The following COLEC12 variants were observed in gnomAD, a reference collection of about 807,000 sequenced individuals.
COLEC12 encodes the protein collectin subfamily member 12, also known as collectin-12.
COLEC12 carries 33 observed loss-of-function variants against 71.1 expected under a neutral mutation model. The ratio of observed to expected loss-of-function variants is 0.46; its 90% CI spans 0.35 to 0.62. The LOEUF (loss-of-function observed/expected upper bound fraction) is 0.62. Ranked by LOEUF, COLEC12 falls within the 20% of genes least tolerant of loss-of-function variation. COLEC12 has a pLI of 0.00. For synonymous variants in COLEC12, 350 were observed against 353.0 expected, an observed-to-expected ratio of 0.99 and a Z score of 0.10; for missense variants, 765 against 916.1, an observed-to-expected ratio of 0.84 and a Z score of 2.13.
At chr18:476,911 A>G (rs1472260071) in intron 2 of COLEC12, among the ~76,000 whole-genome samples, 2 of 152,220 alleles carry the variant, frequency 1.3e-5, no homozygotes, top group Admixed American at 1.3e-4. Context: ...GCCTGATTAA[A>G]GCTTGAAAAT....
At chr18:487,838 G>A (rs1917548547) in intron 1 of COLEC12, among the ~76,000 whole-genome samples, 1 of 152,146 alleles carries the variant, frequency 6.6e-6, no homozygotes, top group South Asian at 2.1e-4. Context: ...TTAGAGTGAT[G>A]GTCACAATTC....
intron 2 of COLEC12, among the ~76,000 whole-genome samples, chr18:382,249 G>A (rs1915248964): frequency 6.6e-6 from 1 of 152,146 alleles, no homozygotes; most frequent in Non-Finnish European, 1.5e-5. Flanking sequence ...CACCCTTCCT[G>A]TGTTAAGTTA....
At chr18:437,111 G>C (rs1378186977) in intron 2 of COLEC12, among the ~76,000 whole-genome samples, 2 of 152,248 alleles carry the variant, frequency 1.3e-5, no homozygotes, top group Non-Finnish European at 2.9e-5. Context: ...AAAATTACAG[G>C]GGACAGTAGG....
intron 2 of COLEC12, among the ~76,000 whole-genome samples, chr18:438,802 CAAA>C (rs55912485): frequency 3.8e-5 from 5 of 132,666 alleles, no homozygotes; most frequent in East Asian, 2.2e-4. Flanking sequence ...GACCTTGTCT[CAAA>C]AAAAAAAAAA....
chr18:442,082 G>GTGAGACTCTCTCTACACACAC (rs1916554019), intron 2 of COLEC12, among the ~76,000 whole-genome samples: 1 of 151,338 alleles, frequency 6.6e-6, no homozygotes, highest in African/African-American at 2.4e-5. Context: ...TGGGGACTGA[G>GTGAGACTCTCTCTACACACAC]AAGGTTATGG....
chr18:333,102 A>G lies in COLEC12; in HGVS notation c.1858T>C (p.Tyr620His), dbSNP rs778750998. ...AAAATTTCTTTCTCAACTGAAAAAT[A>G]GTAGCATTTGTCTGTGAAGTTCTTC... Reference protein sequence around the residue: ...HWKNFTDKCYYFSVEKEIFED... With the variant: ...HWKNFTDKCYHFSVEKEIFED... The change falls in exon 7 of 10, where the codon TAT becomes CAT. Residue 620 changes from tyrosine to histidine, a missense_variant. Coordinates refer to ENST00000400256, the MANE Select transcript of COLEC12 (RefSeq NM_130386.3). 4 of 1,611,408 alleles carry G rather than the reference A, an allele frequency of 2.5e-6. No individual in the cohort carries two copies. In the South Asian group the frequency reaches 4.4e-5, roughly 18 times the overall value.
chr18:334,656 G>A (rs1240641144), intron 6 of COLEC12, 86 bp downstream of exon 6: 23 of 1,206,724 alleles, frequency 1.9e-5, no homozygotes, highest in Non-Finnish European at 2.3e-5. Flanking sequence ...AAAATAACAT[G>A]GGTGGGGCCA....
rs1913711768 is a variant in COLEC12, at chr18:321,784, T to C, written c.2087A>G (p.Asp696Gly). ...DYKNWKAGQPDNWGHGHGPGE... is the reference protein window; with the variant it reads ...DYKNWKAGQPGNWGHGHGPGE... ...TGGCCCATGGCCATGACCCCAGTTA[T>C]CCGGCTGTCCAGCTTTCCAATTTCT... The change falls in exon 9 of 10, where the codon GAT becomes GGT. Residue 696 changes from aspartate (D) to glycine (G), a missense_variant. Asp to Gly is a moderately conservative substitution (Grantham distance 94). Transcript: ENST00000400256. The C allele has an allele frequency of 6.2e-7, 1 of 1,613,984 alleles. No homozygotes were observed. Among genetic ancestry groups the C allele is most frequent in the Non-Finnish European group, 8.5e-7 (1 of 1,179,996 alleles).
rs978002798 is a variant in COLEC12 at position 325,639 on chromosome 18, T to C, written c.2064-3832A>G. Among the ~76,000 whole-genome samples the C allele has an allele frequency of 6.8e-4, 94 of 137,634 alleles. 1 individual carries two copies. The highest frequency in any genetic ancestry group is 2.4e-3 in the African/African-American group (89 of 36,774). The allele number at this position is 137,634 out of a possible 152,430, so 90.3% of individuals were successfully genotyped here. ...TAAAAGGATCAGCCTTTTTTTTTTT[T>C]TTTTTTTTTTTTTTTTTGAGACAGA... On this transcript the variant is annotated intron_variant, in intron 8 of 9. Transcript: ENST00000400256.
chr18:487,775 C>T (rs1917547299), intron 1 of COLEC12, among the ~76,000 whole-genome samples: 1 of 152,182 alleles, frequency 6.6e-6, no homozygotes, highest in Admixed American at 6.5e-5. Flanking sequence ...AAAAAATAAA[C>T]TAATGGTTCT....
chr18:476,379 A>T (rs1170226824), intron 2 of COLEC12, among the ~76,000 whole-genome samples: 1 of 152,222 alleles, frequency 6.6e-6, no homozygotes, highest in Non-Finnish European at 1.5e-5. Context: ...TTGTTTGTCA[A>T]ATACAAACAA....
chr18:478,744 G>A (rs1234825782), intron 2 of COLEC12, among the ~76,000 whole-genome samples: 5 of 152,192 alleles, frequency 3.3e-5, no homozygotes, highest in African/African-American at 4.8e-5. Context: ...TCAGCATCAG[G>A]AATGTCTCTT....
chr18:356,299 C>T (rs928695298), intron 3 of COLEC12, among the ~76,000 whole-genome samples: 2 of 152,146 alleles, frequency 1.3e-5, no homozygotes, highest in Admixed American at 6.5e-5. Flanking sequence ...CTCTAAGAGG[C>T]TATGATTCAC....
intron 3 of COLEC12, among the ~76,000 whole-genome samples, 172 bp downstream of exon 3, chr18:357,228 T>C (rs1914646458): frequency 6.6e-6 from 1 of 152,230 alleles, no homozygotes; most frequent in Non-Finnish European, 1.5e-5. Context: ...GTCCCCCCTT[T>C]CAGATCTCAT....
rs1331645493 is a variant in COLEC12, at chr18:480,977, A to G, written c.8-220T>C. 6.6e-6 allele frequency among the ~76,000 whole-genome samples: 1 copy of G among 152,034 alleles called. No homozygotes were observed. The highest frequency in any genetic ancestry group is 2.4e-5 in the African/African-American group (1 of 41,386). The stretch of plus-strand genomic sequence containing the variant: ...CTCTGTTCCTAATGTGACTCCTTCG[A>G]ATTCAGGTCTTAGCTAAAGTGCGAC... On this transcript the variant is annotated intron_variant, in intron 1 of 9. Coordinates refer to ENST00000400256, the MANE Select transcript of COLEC12 (RefSeq NM_130386.3). The surrounding 1 kb of genome is among the most constrained non-coding windows in gnomAD (Gnocchi z 4.1).
rs547885769 is a variant in COLEC12 at position 429,341 on chromosome 18, T to C, written c.58+51366A>G. Among the ~76,000 whole-genome samples, 480 of 152,330 alleles carry C rather than the reference T, an allele frequency of 3.2e-3. 1 individual carries two copies. Among genetic ancestry groups the C allele is most frequent in the Non-Finnish European group, 6.0e-3 (406 of 68,028 alleles). On this transcript the variant is annotated intron_variant, in intron 2 of 9. Transcript: ENST00000400256. The stretch of plus-strand genomic sequence containing the variant: ...AATCTCTACAGTTGGCTGATTTGAT[T>C]GTAAATAACACAAACTATTTTTTTT...
rs1227701472 is a variant in COLEC12, at chr18:318,222, C to T, written c.*1823G>A. ...GTCTCGATCTCCTGACCTTGTGATC[C>T]GTCCGCCTCGGCCTCCCAAAGTGCT... On this transcript the variant is annotated 3_prime_UTR_variant, in exon 10 of 10. Transcript: ENST00000400256. 6.6e-6 allele frequency: 1 copy of T among 151,946 alleles called. No homozygotes were observed. The highest frequency in any genetic ancestry group is 1.5e-5 in the Non-Finnish European group (1 of 68,002). 9.4% of individuals were successfully genotyped at this position (151,946 alleles called of 1,614,324 possible). A position where few individuals can be genotyped will look rare whatever the true frequency, so the allele number is the denominator to read the frequency against.
chr18:364,178 G>A (rs1030012346), intron 2 of COLEC12, among the ~76,000 whole-genome samples: 2 of 151,562 alleles, frequency 1.3e-5, no homozygotes, highest in Admixed American at 6.6e-5. Flanking sequence ...TGGTTTTATT[G>A]TTTTTTTTAA....
chr18:399,546 G>A lies in COLEC12; in HGVS notation c.59-42024C>T, dbSNP rs1915638395. On this transcript the variant is annotated intron_variant, in intron 2 of 9. Coordinates refer to ENST00000400256, the MANE Select transcript of COLEC12 (RefSeq NM_130386.3). This position sits in a 1 kb window ranked among gnomAD's most constrained non-coding sequence, Gnocchi z 4.0. ...ACCTCCTCCTAAGTGTCAGGCCCTG[G>A]GGATATGCTGGGGAATGGAGCACAG... 6.6e-6 allele frequency among the ~76,000 whole-genome samples: 1 copy of A among 152,262 alleles called. No individual in the cohort carries two copies.
Sources: gnomAD v4.1 joint callset for allele counts (sites outside exome capture counted in the v4.1 genomes callset) on GRCh38, gnomAD v4.1.1 for gene constraint, Gnocchi (gnomAD v3.1) non-coding constraint, MANE v1.5 for transcripts, NCBI Gene and HGNC (gene_info 2026-07-23, HGNC 2026-07-21) for gene names.